The following FAM135B variants were observed in gnomAD, a reference collection of about 807,000 sequenced individuals.
The protein encoded by FAM135B is family with sequence similarity 135 member B, also known as protein FAM135B.
In FAM135B, 43 loss-of-function variants were observed where a neutral mutation model predicts 127.7. The observed-to-expected ratio is 0.34, with a 90% confidence interval of 0.26 to 0.43. The LOEUF (loss-of-function observed/expected upper bound fraction) is 0.43. FAM135B is among the 20% of genes least tolerant of loss of function. FAM135B has a pLI of 1.00. For synonymous variants in FAM135B, 670 were observed against 665.1 expected (o/e 1.01, Z -0.11); for missense variants, 1,558 against 1,725.6 (o/e 0.90, Z 1.72).
At chr8:138,496,138 T>C (rs1043583336) in intron 1 of FAM135B, among the ~76,000 whole-genome samples, 2 of 152,168 alleles carry the variant, frequency 1.3e-5, no homozygotes, top group Non-Finnish European at 2.9e-5. Context: ...AAACATCCCC[T>C]CCAGTGACTG....
rs577174558 is a variant in FAM135B, at chr8:138,496,933, C to T, written c.-282G>A. On this transcript the variant is annotated 5_prime_UTR_variant, in exon 1 of 20. Coordinates refer to ENST00000395297, the MANE Select transcript of FAM135B (RefSeq NM_015912.4). ...GTTATGGAACCCCGCAACTGCCCCC[C>T]TCTCCGTGCAACAGCTGCCCGGCCG... 60 of 152,234 alleles carry T rather than the reference C, an allele frequency of 3.9e-4. No homozygotes were observed. The highest frequency in any genetic ancestry group is 1.3e-3 in the African/African-American group (56 of 41,546). The allele number at this position is 152,234 out of a possible 1,614,324, so 9.4% of individuals were successfully genotyped here.
intron 7 of FAM135B, among the ~76,000 whole-genome samples, chr8:138,239,424 T>C (rs890186583): frequency 6.6e-6 from 1 of 152,236 alleles, no homozygotes; most frequent in Non-Finnish European, 1.5e-5. Context: ...TCTTGTAAAT[T>C]TGTTTGAGTT....
intron 3 of FAM135B, among the ~76,000 whole-genome samples, chr8:138,297,275 C>T (rs756987118): frequency 6.6e-6 from 1 of 152,150 alleles, no homozygotes; most frequent in Non-Finnish European, 1.5e-5. Flanking sequence ...ATATTAATTC[C>T]GTGACAAGGG....
chr8:138,461,467 C>T (rs1564021118), intron 1 of FAM135B, among the ~76,000 whole-genome samples: 1 of 152,178 alleles, frequency 6.6e-6, no homozygotes, highest in Non-Finnish European at 1.5e-5. Flanking sequence ...AGTACACACA[C>T]AATAAATTAC....
At position 138,403,845 on chromosome 8, in the gene FAM135B, G is replaced by A. The variant is rs547713340; in HGVS notation, c.-19-35843C>T. On this transcript the variant is annotated intron_variant, in intron 1 of 19. Coordinates refer to ENST00000395297, the MANE Select transcript of FAM135B (RefSeq NM_015912.4). The stretch of plus-strand genomic sequence containing the variant: ...AGGCAGAGGTTCTCAACTAGATGTC[G>A]GAGGCAACTTTGCCAGCAATGTCTG... 8.5e-5 allele frequency among the ~76,000 whole-genome samples: 13 copies of A among 152,252 alleles called. No individual in the cohort carries two copies. In the South Asian group the frequency reaches 1.2e-3, roughly 15 times the overall value.
At chr8:138,255,507 A>G (rs1293607425) in intron 5 of FAM135B, among the ~76,000 whole-genome samples, 3 of 152,146 alleles carry the variant, frequency 2.0e-5, no homozygotes, top group African/African-American at 7.2e-5. Flanking sequence ...CCATCAGGAG[A>G]GAAGCTGAGG....
chr8:138,434,787 T>TA (rs777157214), intron 1 of FAM135B, among the ~76,000 whole-genome samples: 20 of 152,156 alleles, frequency 1.3e-4, no homozygotes, highest in Non-Finnish European at 2.5e-4. Flanking sequence ...ACCAGCCTCT[T>TA]ACAGTTGACA....
intron 6 of FAM135B, among the ~76,000 whole-genome samples, chr8:138,246,327 A>G (rs1294340894): frequency 6.6e-6 from 1 of 152,188 alleles, no homozygotes; most frequent in African/African-American, 2.4e-5. Context: ...ACAGGCCCAG[A>G]GGCCCAGGAA....
intron 9 of FAM135B, among the ~76,000 whole-genome samples, chr8:138,185,595 C>A (rs1815476727): frequency 6.6e-6 from 1 of 152,216 alleles, no homozygotes; most frequent in Non-Finnish European, 1.5e-5. Context: ...AGAAGCTGCT[C>A]ACTGATGCTT....
At chr8:138,259,052 G>T (rs568783001) in intron 4 of FAM135B, among the ~76,000 whole-genome samples, 1 of 152,222 alleles carries the variant, frequency 6.6e-6, no homozygotes, top group African/African-American at 2.4e-5. Flanking sequence ...TATGAGTTAG[G>T]AAAGACTGTC....
At chr8:138,145,584 A>T (rs1006128142) in intron 15 of FAM135B, among the ~76,000 whole-genome samples, 1 of 152,178 alleles carries the variant, frequency 6.6e-6, no homozygotes, top group African/African-American at 2.4e-5. Flanking sequence ...GTCAACATCT[A>T]TACCTCTGTG....
chr8:138,274,883 CT>C (rs1000267131), intron 3 of FAM135B, among the ~76,000 whole-genome samples: 72 of 143,554 alleles, frequency 5.0e-4, no homozygotes, highest in Middle Eastern at 3.5e-3. Flanking sequence ...TTATCCTGTT[CT>C]TTTTTTTTTT....
intron 1 of FAM135B, among the ~76,000 whole-genome samples, chr8:138,373,681 C>CA (rs1831288118): frequency 1.3e-5 from 2 of 152,024 alleles, no homozygotes; most frequent in South Asian, 4.2e-4. Flanking sequence ...TTCTTTTTCT[C>CA]AGCAAGGAAC....
At chr8:138,137,077 G>T in intron 19 of FAM135B, 70 bp downstream of exon 19, 1 of 833,798 alleles carries the variant, frequency 1.2e-6, no homozygotes, top group Non-Finnish European at 2.1e-6. Context: ...CCAATAGGCA[G>T]TCAATTCCAT....
intron 19 of FAM135B, among the ~76,000 whole-genome samples, chr8:138,135,457 T>TA (rs1229149271): frequency 6.6e-6 from 1 of 152,028 alleles, no homozygotes; most frequent in Non-Finnish European, 1.5e-5. Context: ...AAAATATACA[T>TA]AAAAAAGCAT....
At chr8:138,441,412 CAGTTGGAAAG>C (rs1222002243) in intron 1 of FAM135B, 2 of 152,190 alleles carry the variant, frequency 1.3e-5, no homozygotes, top group African/African-American at 4.8e-5. Context: ...TTTAGGGCAT[CAGTTGGAAAG>C]AGTGGGACAA....
At chr8:138,421,104 G>C (rs899542138) in intron 1 of FAM135B, among the ~76,000 whole-genome samples, 8 of 152,214 alleles carry the variant, frequency 5.3e-5, no homozygotes, top group Non-Finnish European at 1.2e-4. Flanking sequence ...GAGGTCAGGA[G>C]ATTGAGACCA....
At chr8:138,392,892 C>T (rs773048132) in intron 1 of FAM135B, among the ~76,000 whole-genome samples, 8 of 152,094 alleles carry the variant, frequency 5.3e-5, no homozygotes, top group Non-Finnish European at 8.8e-5. Flanking sequence ...GAGAATACTC[C>T]TTAATCGGTG....
At chr8:138,322,626 G>A (rs1196584094) in intron 2 of FAM135B, among the ~76,000 whole-genome samples, 4 of 152,322 alleles carry the variant, frequency 2.6e-5, no homozygotes, top group Admixed American at 1.3e-4. Context: ...GAAATTGCAC[G>A]AGGATTTATA....
Sources: allele counts gnomAD v4.1 joint callset (sites outside exome capture counted in the v4.1 genomes callset), GRCh38; gene constraint gnomAD v4.1.1; transcripts MANE v1.5; gene names NCBI Gene and HGNC (gene_info 2026-07-23, HGNC 2026-07-21).